Variants in NOL4 observed in about 807,000 individuals in gnomAD.
NOL4 encodes cancer/testis antigen 125.
A neutral mutation model predicts 75.9 loss-of-function variants in NOL4; 17 were observed. The observed-to-expected ratio is 0.22, with a 90% CI of 0.15 to 0.34. NOL4 has a LOEUF of 0.34. Among genes scored for constraint, NOL4 ranks in the 10% least tolerant of loss-of-function variants. The pLI is 1.00. For synonymous variants in NOL4, 292 were observed against 289.9 expected (o/e 1.01, Z -0.07); for missense variants, 614 against 793.5 (o/e 0.77, Z 2.72).
intron 2 of NOL4, among the ~76,000 whole-genome samples, chr18:34,116,822 A>C (rs908382536): frequency 3.3e-5 from 5 of 152,174 alleles, no homozygotes; most frequent in South Asian, 2.1e-4. Flanking sequence ...AAAATAACGG[A>C]AAATAATTTT....
intron 1 of NOL4, among the ~76,000 whole-genome samples, chr18:34,190,601 T>G (rs552041493): frequency 6.6e-6 from 1 of 152,040 alleles, no homozygotes; most frequent in Admixed American, 6.6e-5. Flanking sequence ...CTCTTTTTTA[T>G]CCTTGTAATT....
intron 10 of NOL4, among the ~76,000 whole-genome samples, chr18:33,873,510 G>C (rs566954379): frequency 6.6e-6 from 1 of 152,110 alleles, no homozygotes; most frequent in South Asian, 2.1e-4. Flanking sequence ...TAAAACGTTT[G>C]ATATGAAACA....
intron 5 of NOL4, among the ~76,000 whole-genome samples, chr18:34,057,177 A>G (rs2145066381): frequency 6.6e-6 from 1 of 152,228 alleles, no homozygotes; most frequent in East Asian, 1.9e-4. Context: ...TAAGGCAGGG[A>G]TTTTACACTG....
At chr18:34,203,711 TCTCTCTCACA>T (rs1415871205) in intron 1 of NOL4, among the ~76,000 whole-genome samples, 11 of 82,186 alleles carry the variant, frequency 1.3e-4, no homozygotes, top group East Asian at 1.1e-3. Context: ...TCTCTCTCTC[TCTCTCTCACA>T]CACACACACA....
At chr18:33,933,569 G>A (rs1231290721) in intron 9 of NOL4, among the ~76,000 whole-genome samples, 18 of 152,076 alleles carry the variant, frequency 1.2e-4, no homozygotes, top group Admixed American at 1.2e-3. Context: ...TTAAAGCTTT[G>A]TTTTTATTCA....
intron 10 of NOL4, among the ~76,000 whole-genome samples, chr18:33,881,814 G>C (rs1392501968): frequency 2.0e-5 from 3 of 151,976 alleles, no homozygotes; most frequent in Non-Finnish European, 4.4e-5. Context: ...ATACTACAAG[G>C]CTACAGTAAC....
At chr18:33,923,758 AG>A (rs1268365247) in intron 9 of NOL4, among the ~76,000 whole-genome samples, 1 of 152,214 alleles carries the variant, frequency 6.6e-6, no homozygotes, top group East Asian at 1.9e-4. Context: ...ATAAGCAAAA[AG>A]TAAATAAGAA....
chr18:33,920,044 A>G (rs900335047), intron 9 of NOL4, among the ~76,000 whole-genome samples: 5 of 152,206 alleles, frequency 3.3e-5, no homozygotes, highest in African/African-American at 1.2e-4. Context: ...TTTTTAAATG[A>G]CAACTCCAAT....
intron 6 of NOL4, among the ~76,000 whole-genome samples, chr18:34,009,028 T>G (rs548627645): frequency 2.2e-4 from 33 of 152,082 alleles, no homozygotes; most frequent in African/African-American, 7.7e-4. Context: ...TTGCCCTCAT[T>G]CCTCATGGAT....
At chr18:34,191,835 G>A (rs1342690106) in intron 1 of NOL4, among the ~76,000 whole-genome samples, 1 of 152,002 alleles carries the variant, frequency 6.6e-6, no homozygotes, top group Non-Finnish European at 1.5e-5. Flanking sequence ...GAGGAATACA[G>A]GTTGGTGATA....
At chr18:34,213,481 G>A (rs2036658740) in intron 1 of NOL4, among the ~76,000 whole-genome samples, 1 of 152,076 alleles carries the variant, frequency 6.6e-6, no homozygotes, top group African/African-American at 2.4e-5. Flanking sequence ...GTAGAGCCGG[G>A]GTTTCACCAC....
intron 8 of NOL4, among the ~76,000 whole-genome samples, chr18:33,951,609 C>A (rs1267854632): frequency 6.6e-6 from 1 of 152,032 alleles, no homozygotes; most frequent in Non-Finnish European, 1.5e-5. Context: ...CTATCTTTAT[C>A]ATTCTCTTAT....
chr18:34,024,194 A>AAAATATATATATATAT, intron 5 of NOL4, among the ~76,000 whole-genome samples: 9 of 70,690 alleles, frequency 1.3e-4, no homozygotes, highest in Non-Finnish European at 2.5e-4. Context: ...AAAAAAAAAA[A>AAAATATATATATATAT]ATATATATAT....
intron 5 of NOL4, 129 bp from the exon 6 acceptor site, chr18:34,019,730 A>G: frequency 1.3e-6 from 1 of 781,012 alleles, no homozygotes; most frequent in Non-Finnish European, 2.0e-6. Context: ...CATCCTCAGC[A>G]ATAAGCTTGT....
At chr18:33,985,990 T>C (rs2072416751) in intron 6 of NOL4, among the ~76,000 whole-genome samples, 1 of 152,090 alleles carries the variant, frequency 6.6e-6, no homozygotes, top group Non-Finnish European at 1.5e-5. Flanking sequence ...AAACTTTTCA[T>C]CAAATAAACC....
intron 5 of NOL4, among the ~76,000 whole-genome samples, chr18:34,032,443 C>A (rs1177904769): frequency 1.3e-5 from 2 of 152,072 alleles, no homozygotes; most frequent in African/African-American, 2.4e-5. Flanking sequence ...ACTCTGGAGG[C>A]AAAAAGATTG....
intron 6 of NOL4, among the ~76,000 whole-genome samples, chr18:33,969,118 G>A (rs2070841414): frequency 6.6e-6 from 1 of 152,060 alleles, no homozygotes; most frequent in East Asian, 1.9e-4. Flanking sequence ...CCTGCGCAGT[G>A]ATTGATGCCT....
intron 1 of NOL4, among the ~76,000 whole-genome samples, chr18:34,138,236 T>C (rs11873593): frequency 0.5 from 76,303 of 151,644 alleles, 19,274 homozygotes; most frequent in Admixed American, 0.57. Context: ...CTCATCACTA[T>C]AAAAAATATA....
chr18:33,998,630 T>C (rs1046458950), intron 6 of NOL4, among the ~76,000 whole-genome samples: 4 of 152,088 alleles, frequency 2.6e-5, no homozygotes, highest in African/African-American at 9.7e-5. Context: ...TATGTGCCCA[T>C]AGATGGTATA....
Sources: allele counts gnomAD v4.1 joint callset (sites outside exome capture counted in the v4.1 genomes callset), GRCh38; gene constraint gnomAD v4.1.1; transcripts MANE v1.5; gene names NCBI Gene and HGNC (gene_info 2026-07-23, HGNC 2026-07-21).